Variants in NCKAP5 observed in about 807,000 individuals in gnomAD.
NCKAP5 encodes nck-associated protein 5.
A neutral mutation model predicts 167.0 loss-of-function variants in NCKAP5; 92 were observed. The observed-to-expected ratio is 0.55, with a 90% confidence interval of 0.47 to 0.66. The LOEUF is 0.66. Among genes scored for constraint, NCKAP5 ranks in the 30% least tolerant of loss-of-function variants. The pLI, the probability that NCKAP5 is intolerant of heterozygous loss-of-function variation, is 0.00. For synonymous variants in NCKAP5, 891 were observed against 877.4 expected, an observed-to-expected ratio of 1.02 and a Z score of -0.27; for missense variants, 2,378 against 2,315.0, an observed-to-expected ratio of 1.03 and a Z score of -0.56.
intron 3 of NCKAP5, among the ~76,000 whole-genome samples, chr2:133,378,877 A>G (rs1176203942): frequency 6.6e-6 from 1 of 152,210 alleles, no homozygotes; most frequent in Non-Finnish European, 1.5e-5. Flanking sequence ...ATGATTGTGG[A>G]GCGGTGACTT....
At chr2:133,274,756 A>C (rs2089658431) in intron 4 of NCKAP5, among the ~76,000 whole-genome samples, 1 of 151,576 alleles carries the variant, frequency 6.6e-6, no homozygotes, top group East Asian at 1.9e-4. Flanking sequence ...AAAAAATGGC[A>C]CCAGGTTAAC....
chr2:133,600,638 T>C, the NCKAP5 span, among the ~76,000 whole-genome samples: 1 of 152,246 alleles, frequency 6.6e-6, no homozygotes, highest in Non-Finnish European at 1.5e-5. Context: ...TCTTGATGTG[T>C]GGCACTTTCT....
intron 7 of NCKAP5, among the ~76,000 whole-genome samples, chr2:132,967,710 A>T (rs1003391558): frequency 1.3e-5 from 2 of 152,240 alleles, no homozygotes; most frequent in African/African-American, 4.8e-5. Flanking sequence ...TAGCTAATGG[A>T]GTATGGAAAA....
intron 2 of NCKAP5, among the ~76,000 whole-genome samples, chr2:133,530,564 G>T (rs916836986): frequency 1.3e-5 from 2 of 152,106 alleles, no homozygotes; most frequent in Non-Finnish European, 2.9e-5. Context: ...ACATGAAATG[G>T]GTAGTAGATT....
rs111435625 is a variant in NCKAP5 at position 133,455,107 on chromosome 2, C to T, written c.69+62351G>A. ...TTGTAGCCACAACATGTCCATCCAG[C>T]CTGATTTGTTTAAAGCAATACCAAC... On this transcript the variant is annotated intron_variant, in intron 3 of 19. Transcript: ENST00000409261. Among the ~76,000 whole-genome samples the T allele has an allele frequency of 5.2e-3, 786 of 152,134 alleles. 4 individuals carry two copies. Among genetic ancestry groups the T allele is most frequent in the African/African-American group, 0.018 (740 of 41,538 alleles).
intron 15 of NCKAP5, among the ~76,000 whole-genome samples, chr2:132,780,445 C>T (rs1171632825): frequency 1.3e-5 from 2 of 152,152 alleles, no homozygotes; most frequent in Non-Finnish European, 2.9e-5. Flanking sequence ...CCACCGCACC[C>T]GGCCTTATTT....
intron 3 of NCKAP5, among the ~76,000 whole-genome samples, chr2:133,362,724 G>A (rs959787558): frequency 5.3e-5 from 8 of 151,596 alleles, no homozygotes; most frequent in African/African-American, 1.5e-4. Context: ...CTGGATTGCA[G>A]CCAGATATGT....
chr2:133,226,406 A>G (rs2086892691), intron 4 of NCKAP5, among the ~76,000 whole-genome samples: 1 of 152,098 alleles, frequency 6.6e-6, no homozygotes, highest in Non-Finnish European at 1.5e-5. Flanking sequence ...AAAACAGATA[A>G]CACACCTATG....
chr2:133,498,585 C>G (rs1315878674), intron 3 of NCKAP5, among the ~76,000 whole-genome samples: 1 of 143,886 alleles, frequency 6.9e-6, no homozygotes, highest in Non-Finnish European at 1.5e-5. Context: ...GGTAGGGAGA[C>G]AGGGAGAAGG....
intron 3 of NCKAP5, among the ~76,000 whole-genome samples, chr2:133,351,416 G>A (rs1684351861): frequency 6.6e-6 from 1 of 152,046 alleles, no homozygotes; most frequent in Non-Finnish European, 1.5e-5. Context: ...TCTGTAAATA[G>A]TAGTGGTAGG....
At chr2:133,299,816 A>G (rs540395741) in intron 4 of NCKAP5, among the ~76,000 whole-genome samples, 8 of 152,296 alleles carry the variant, frequency 5.3e-5, no homozygotes, top group Admixed American at 2.6e-4. Flanking sequence ...TGTACTTAAT[A>G]AAACAATTTC....
intron 3 of NCKAP5, among the ~76,000 whole-genome samples, chr2:133,375,571 T>C (rs1038655144): frequency 6.6e-6 from 1 of 152,214 alleles, no homozygotes; most frequent in Admixed American, 6.5e-5. Flanking sequence ...TTAGTTATTT[T>C]TCCTGATCCT....
the NCKAP5 span, among the ~76,000 whole-genome samples, chr2:133,605,295 A>G: frequency 6.6e-6 from 1 of 152,138 alleles, no homozygotes; most frequent in Admixed American, 6.5e-5. Context: ...GCCTGGTGCA[A>G]TTAAGTGTGA....
chr2:133,108,311 C>T (rs1316528366), intron 6 of NCKAP5, among the ~76,000 whole-genome samples: 1 of 152,128 alleles, frequency 6.6e-6, no homozygotes, highest in Non-Finnish European at 1.5e-5. Context: ...GACAGTATCC[C>T]CGATGCACAT....
chr2:133,106,254 T>C (rs6749492), intron 6 of NCKAP5, among the ~76,000 whole-genome samples: 10,060 of 125,112 alleles, frequency 0.08, 745 homozygotes, highest in East Asian at 0.31. Flanking sequence ...GATGCCACCA[T>C]TGCACTCCAG....
At chr2:132,747,513 A>T (rs1342951946) in intron 16 of NCKAP5, among the ~76,000 whole-genome samples, 1 of 113,380 alleles carries the variant, frequency 8.8e-6, no homozygotes, top group East Asian at 3.6e-4. Flanking sequence ...TGCCGGCCTG[A>T]CTCTGAAGCT....
At chr2:133,293,975 C>T (rs1308062063) in intron 4 of NCKAP5, among the ~76,000 whole-genome samples, 1 of 152,106 alleles carries the variant, frequency 6.6e-6, no homozygotes, top group Non-Finnish European at 1.5e-5. Context: ...GCCCTGGTCT[C>T]CTTTGACCTC....
At chr2:133,583,111 C>A in the NCKAP5 span, among the ~76,000 whole-genome samples, 1 of 145,868 alleles carries the variant, frequency 6.9e-6, no homozygotes, top group Non-Finnish European at 1.5e-5. Flanking sequence ...ATAAATAGAC[C>A]AGAGATGATA....
At chr2:132,969,927 T>G (rs992205982) in intron 7 of NCKAP5, among the ~76,000 whole-genome samples, 11 of 152,210 alleles carry the variant, frequency 7.2e-5, no homozygotes, top group African/African-American at 2.4e-4. Context: ...AATCTTTTGT[T>G]TCTTAATCAT....
Sources: allele counts gnomAD v4.1 joint callset (sites outside exome capture counted in the v4.1 genomes callset), GRCh38; gene constraint gnomAD v4.1.1; transcripts MANE v1.5; gene names NCBI Gene and HGNC (gene_info 2026-07-23, HGNC 2026-07-21).